The following IFT140 variants were observed in gnomAD, a reference collection of about 807,000 sequenced individuals.
The protein encoded by IFT140 is intraflagellar transport protein 140 homolog.
A neutral mutation model predicts 164.6 loss-of-function variants in IFT140; 133 were observed. That is an observed-to-expected ratio of 0.81 (90% CI 0.70 to 0.93). IFT140 has a LOEUF of 0.93. Among genes scored for constraint, IFT140 ranks in the 40% least tolerant of loss-of-function variants. The pLI is 0.00. For missense variants in IFT140, 2,045 were observed against 1,972.3 expected (o/e 1.04, Z -0.70); for synonymous variants, 860 against 817.3 (o/e 1.05, Z -0.89).
chr16:1,544,247 A>G (rs6600153), intron 19 of IFT140, among the ~76,000 whole-genome samples: 42,557 of 150,050 alleles, frequency 0.28, 7,253 homozygotes, highest in African/African-American at 0.47. Context: ...GCCGTGGCAC[A>G]ATCTCGGCTC....
At chr16:1,526,500 C>T (rs868176392) in intron 20 of IFT140, 119 bp downstream of exon 20, 41 of 1,112,664 alleles carry the variant, frequency 3.7e-5, no homozygotes, top group Admixed American at 2.7e-4. Flanking sequence ...TCATGCCTCT[C>T]GGCTCTGCCC....
intron 8 of IFT140, among the ~76,000 whole-genome samples, chr16:1,587,627 G>A (rs999537094): frequency 2.6e-5 from 4 of 152,150 alleles, no homozygotes; most frequent in East Asian, 1.9e-4. Flanking sequence ...AGACCACAAC[G>A]ACTGATTCTA....
At chr16:1,592,054 T>C in intron 6 of IFT140, 122 bp downstream of exon 6, 1 of 1,078,290 alleles carries the variant, frequency 9.3e-7, no homozygotes, top group Non-Finnish European at 1.4e-6. Flanking sequence ...GTCATCTTTC[T>C]GTGCAGCCTG....
chr16:1,576,056 C>T (rs575302517), intron 13 of IFT140, among the ~76,000 whole-genome samples: 11 of 152,208 alleles, frequency 7.2e-5, no homozygotes, highest in Non-Finnish European at 1.2e-4. Context: ...GAGACTGAGG[C>T]GGGTGGATCA....
chr16:1,553,430 A>AT lies in IFT140; in HGVS notation c.2399+4504_2399+4505insA, dbSNP rs1369650348. 2.4e-5 allele frequency: 24 copies of AT among 985,202 alleles called. No homozygotes were observed. The African/African-American group carries it at 4.0e-4, about 17-fold the overall frequency. The allele number at this position is 985,202 out of a possible 1,614,324, so 61.0% of individuals were successfully genotyped here. On this transcript the variant is annotated intron_variant, in intron 19 of 30. Coordinates refer to ENST00000426508, the MANE Select transcript of IFT140 (RefSeq NM_014714.4). The surrounding 1 kb of genome is among the most constrained non-coding windows in gnomAD (Gnocchi z 4.4). ...GCAGGGGAGGCGGTTGGGAGTGGAG[A>AT]GACCGGCATGAACAGACGCACAGGT...
At chr16:1,583,742 T>C (rs1299643627) in intron 11 of IFT140, among the ~76,000 whole-genome samples, 1 of 152,094 alleles carries the variant, frequency 6.6e-6, no homozygotes, top group Non-Finnish European at 1.5e-5. Flanking sequence ...ATATATTTTT[T>C]ATTATTATGT....
chr16:1,576,019 C>T (rs1354876285), intron 13 of IFT140, among the ~76,000 whole-genome samples: 1 of 152,194 alleles, frequency 6.6e-6, no homozygotes, highest in Non-Finnish European at 1.5e-5. Context: ...GGCGCAGTGG[C>T]TCACACCTGT....
At chr16:1,548,332 GC>G (rs1467243855) in intron 19 of IFT140, among the ~76,000 whole-genome samples, 1 of 152,216 alleles carries the variant, frequency 6.6e-6, no homozygotes, top group Admixed American at 6.5e-5. Context: ...ATGTGTGACA[GC>G]CATTCCAAAA....
chr16:1,575,764 C>T (rs1302554104), intron 13 of IFT140, among the ~76,000 whole-genome samples: 2 of 151,814 alleles, frequency 1.3e-5, no homozygotes, highest in Non-Finnish European at 2.9e-5. Context: ...CCTTTCCCAT[C>T]ACACCACTGA....
chr16:1,547,834 C>G (rs534108230), intron 19 of IFT140, among the ~76,000 whole-genome samples: 1 of 152,198 alleles, frequency 6.6e-6, no homozygotes, highest in Non-Finnish European at 1.5e-5. Flanking sequence ...CTGTGCCTGG[C>G]AAATCATCTA....
intron 14 of IFT140, among the ~76,000 whole-genome samples, chr16:1,568,732 C>T (rs112021585): frequency 2.0e-5 from 3 of 151,914 alleles, no homozygotes; most frequent in African/African-American, 7.2e-5. Flanking sequence ...CCAGCCTGGG[C>T]GACAGAGTGA....
rs529467605 is a variant in IFT140 at position 1,528,383 on chromosome 16, G to A, written c.2400-1587C>T. Among the ~76,000 whole-genome samples, 8 of 121,350 alleles carry A rather than the reference G, an allele frequency of 6.6e-5. No homozygotes were observed. In the East Asian group the frequency reaches 7.5e-4, roughly 11 times the overall value. The allele number at this position is 121,350 out of a possible 152,430, so 79.6% of individuals were successfully genotyped here. On this transcript the variant is annotated intron_variant, in intron 19 of 30. Transcript: ENST00000426508. ...TGTGCACACACACGCATGCACGCACGTGTGCACACACACGGATGCACACAC... is the reference window on the plus strand; with the variant it reads ...TGTGCACACACACGCATGCACGCACATGTGCACACACACGGATGCACACAC...
chr16:1,566,250 A>G lies in IFT140; in HGVS notation c.1812T>C (p.Val604=). 6.2e-7 allele frequency: 1 copy of G among 1,613,870 alleles called. No individual in the cohort carries two copies. Among genetic ancestry groups the G allele is most frequent in the Non-Finnish European group, 8.5e-7 (1 of 1,179,786 alleles). ...SPDSKICFYD[V]EMDTVTVFDF... The stretch of plus-strand genomic sequence containing the variant: ...CAAAGACGGTCACTGTGTCCATTTC[A>G]ACATCGTAGAAGCAGATTTTGGAAT... The change falls in exon 16 of 31, where the codon GTT becomes GTC. Residue 604 remains valine, a synonymous_variant. Coordinates refer to ENST00000426508, the MANE Select transcript of IFT140 (RefSeq NM_014714.4).
intron 18 of IFT140, among the ~76,000 whole-genome samples, chr16:1,561,153 G>C (rs768969968): frequency 6.6e-6 from 1 of 152,238 alleles, no homozygotes; most frequent in Non-Finnish European, 1.5e-5. Flanking sequence ...GAGAACAACA[G>C]GTCAGTGAAG....
rs1310819575 is a variant in IFT140 at position 1,553,468 on chromosome 16, G to A, written c.2399+4467C>T. On this transcript the variant is annotated intron_variant, in intron 19 of 30. Coordinates refer to ENST00000426508, the MANE Select transcript of IFT140 (RefSeq NM_014714.4). The surrounding 1 kb of genome is among the most constrained non-coding windows in gnomAD (Gnocchi z 4.4). ...CAGACGCACAGGTGTCAACATGCAGGCCAGGCGGAGGGACAGCAGTGGGGC... is the reference window on the plus strand; with the variant it reads ...CAGACGCACAGGTGTCAACATGCAGACCAGGCGGAGGGACAGCAGTGGGGC... 9.1e-6 allele frequency: 9 copies of A among 985,464 alleles called. No homozygotes were observed. The highest frequency in any genetic ancestry group is 1.1e-5 in the Non-Finnish European group (9 of 829,940). The allele number at this position is 985,464 out of a possible 1,614,324, so 61.0% of individuals were successfully genotyped here.
chr16:1,513,873 C>T (rs1025999524), intron 30 of IFT140, among the ~76,000 whole-genome samples: 14 of 142,286 alleles, frequency 9.8e-5, no homozygotes, highest in South Asian at 4.8e-4. Flanking sequence ...CGGGGTTTCA[C>T]CGTGTTAGCC....
rs555922358 is a variant in IFT140 at position 1,601,006 on chromosome 16, T to C, written c.369+1364A>G. 1.3e-4 allele frequency among the ~76,000 whole-genome samples: 20 copies of C among 152,164 alleles called. No individual in the cohort carries two copies. The South Asian group carries it at 3.7e-3, about 28-fold the overall frequency. On this transcript the variant is annotated intron_variant, in intron 4 of 30. Coordinates refer to ENST00000426508, the MANE Select transcript of IFT140 (RefSeq NM_014714.4). ...AGCCAGACGTGGTAGCTCACACCTG[T>C]AATCCCAGCACTTTGGGAGGCCGAG...
intron 19 of IFT140, chr16:1,555,036 C>A: frequency 6.2e-7 from 1 of 1,602,174 alleles, no homozygotes; most frequent in South Asian, 1.1e-5. Context: ...AGTCGCCCTT[C>A]TCAGCGCTCC....
chr16:1,552,578 C>G (rs910260013), intron 19 of IFT140, among the ~76,000 whole-genome samples: 1 of 151,954 alleles, frequency 6.6e-6, no homozygotes, highest in South Asian at 2.1e-4. Context: ...CAATCGTGAG[C>G]AGAGGGCACA....
Sources: allele counts gnomAD v4.1 joint callset (sites outside exome capture counted in the v4.1 genomes callset), GRCh38; gene constraint gnomAD v4.1.1; non-coding constraint Gnocchi (gnomAD v3.1); transcripts MANE v1.5; gene names NCBI Gene and HGNC (gene_info 2026-07-23, HGNC 2026-07-21).